The following LARP1B variants were observed in gnomAD, a reference collection of about 807,000 sequenced individuals.
LARP1B encodes La ribonucleoprotein 1B, also known as la-related protein 1B.
Under a neutral mutation model 114.2 loss-of-function variants are expected in LARP1B, and 76 were observed. The ratio of observed to expected loss-of-function variants is 0.67; its 90% confidence interval spans 0.55 to 0.81. The LOEUF is 0.81. Among genes scored for constraint, LARP1B ranks in the 30% least tolerant of loss-of-function variants. The pLI is 0.00. For missense variants in LARP1B, 1,014 were observed against 1,075.8 expected (o/e 0.94, Z 0.80); for synonymous variants, 345 against 348.0 (o/e 0.99, Z 0.10).
chr4:128,061,594 G>C, intron 1 of LARP1B, 193 bp downstream of exon 1: 1 of 817,886 alleles, frequency 1.2e-6, no homozygotes, highest in Non-Finnish European at 1.5e-6. Context: ...CGGGTTGTCT[G>C]TCCCCAGTTG....
intron 9 of LARP1B, among the ~76,000 whole-genome samples, chr4:128,109,845 A>G (rs1783412444): frequency 6.6e-6 from 1 of 152,166 alleles, no homozygotes; most frequent in South Asian, 2.1e-4. Flanking sequence ...GGTACAAAAA[A>G]AAAATCATAC....
rs1436938405 is a variant in LARP1B, at chr4:128,210,716, A to G, written c.*663A>G. The G allele has an allele frequency of 1.0e-6, 1 of 985,158 alleles. No individual in the cohort carries two copies. The highest frequency in any genetic ancestry group is 1.2e-6 in the Non-Finnish European group (1 of 829,802). 61.0% of individuals were successfully genotyped at this position (985,158 alleles called of 1,614,324 possible). On this transcript the variant is annotated 3_prime_UTR_variant, in exon 20 of 20. Transcript: ENST00000326639. ...TGCTAGGTTTTGCTTTTCTCCCCCC[A>G]GTCATATCTCATGATTTCCACAGTT...
chr4:128,112,466 ATTTTTTTTT>A (rs1174266918), intron 9 of LARP1B, among the ~76,000 whole-genome samples: 6 of 69,322 alleles, frequency 8.7e-5, no homozygotes, highest in South Asian at 6.3e-4. Context: ...TGCTTACTCT[ATTTTTTTTT>A]TTTTTTTTTT....
At chr4:128,084,216 C>A (rs1327398527) in intron 5 of LARP1B, among the ~76,000 whole-genome samples, 1 of 152,084 alleles carries the variant, frequency 6.6e-6, no homozygotes, top group East Asian at 1.9e-4. Flanking sequence ...ACTTCCCAGA[C>A]GGGGTGGCGG....
chr4:128,155,547 G>A, intron 11 of LARP1B: 1 of 800,468 alleles, frequency 1.2e-6, no homozygotes, highest in Non-Finnish European at 2.3e-6. Flanking sequence ...TGCAGTGGAT[G>A]GTACAGCTTC....
At chr4:128,061,848 G>T (rs908087626) in intron 1 of LARP1B, 23 of 984,782 alleles carry the variant, frequency 2.3e-5, no homozygotes, top group Non-Finnish European at 2.8e-5. Context: ...AGGGAGGAGA[G>T]GGCCGCGGCC....
chr4:128,063,287 C>T (rs1485905445), intron 1 of LARP1B, among the ~76,000 whole-genome samples: 1 of 151,348 alleles, frequency 6.6e-6, no homozygotes, highest in Non-Finnish European at 1.5e-5. Flanking sequence ...ATTAGCCAGG[C>T]GTGGTGGCGG....
At chr4:128,110,416 A>T (rs67868208) in intron 9 of LARP1B, among the ~76,000 whole-genome samples, 85,874 of 145,638 alleles carry the variant, frequency 0.59, 25,623 homozygotes, top group Middle Eastern at 0.8. Context: ...TTTCATTATT[A>T]AAAAAAAAAA....
intron 6 of LARP1B, among the ~76,000 whole-genome samples, chr4:128,217,900 G>C (rs1220061188): frequency 6.2e-5 from 9 of 144,368 alleles, no homozygotes; most frequent in African/African-American, 2.3e-4. Context: ...AAACCCCATC[G>C]TCTCAGCCCA....
At chr4:128,090,935 A>G in intron 5 of LARP1B, 66 bp from the exon 6 acceptor site, 1 of 1,276,972 alleles carries the variant, frequency 7.8e-7, no homozygotes, top group Non-Finnish European at 1.1e-6. Flanking sequence ...TTATGTTTTC[A>G]TAAAGACAAT....
At chr4:128,142,683 T>A (rs1399691338) in intron 11 of LARP1B, among the ~76,000 whole-genome samples, 1 of 151,910 alleles carries the variant, frequency 6.6e-6, no homozygotes, top group Non-Finnish European at 1.5e-5. Context: ...TAATTTTGTA[T>A]TTTTAGTAGA....
At chr4:128,162,437 G>C in intron 12 of LARP1B, 120 bp downstream of exon 12, 1 of 871,168 alleles carries the variant, frequency 1.1e-6, no homozygotes, top group East Asian at 2.6e-5. Context: ...ATGGTAAAAT[G>C]CTAGAATTTT....
intron 12 of LARP1B, among the ~76,000 whole-genome samples, chr4:128,168,350 T>A (rs959720708): frequency 6.6e-6 from 1 of 152,070 alleles, no homozygotes; most frequent in South Asian, 2.1e-4. Context: ...AGTATCTTTT[T>A]ATGTGCTTAT....
intron 11 of LARP1B, among the ~76,000 whole-genome samples, chr4:128,157,055 AC>A (rs1358539401): frequency 6.6e-6 from 1 of 152,184 alleles, no homozygotes; most frequent in East Asian, 1.9e-4. Context: ...TAGAAAAAAA[AC>A]AAAAGAAACA....
chr4:128,129,847 C>G (rs1790999158), intron 11 of LARP1B, among the ~76,000 whole-genome samples: 1 of 152,052 alleles, frequency 6.6e-6, no homozygotes, highest in Non-Finnish European at 1.5e-5. Context: ...GAATCTTCAC[C>G]CTTCAGAAAA....
At chr4:128,197,194 A>G (rs1454377808) in intron 15 of LARP1B, among the ~76,000 whole-genome samples, 1 of 152,196 alleles carries the variant, frequency 6.6e-6, no homozygotes, top group Non-Finnish European at 1.5e-5. Context: ...TTAAAATGAT[A>G]TATATTATGT....
At chr4:128,156,116 C>T in intron 11 of LARP1B, 3 of 1,610,070 alleles carry the variant, frequency 1.9e-6, no homozygotes, top group Non-Finnish European at 2.5e-6. Flanking sequence ...ACTCCTGAGC[C>T]CTGTGCCTCA....
At chr4:128,078,041 C>G (rs1009399971) in intron 4 of LARP1B, 79 bp downstream of exon 4, 1 of 921,730 alleles carries the variant, frequency 1.1e-6, no homozygotes, top group East Asian at 2.7e-5. Flanking sequence ...ATTAACTGAT[C>G]TCTGGTAGTC....
intron 15 of LARP1B, among the ~76,000 whole-genome samples, chr4:128,183,253 A>G (rs1749181030): frequency 6.6e-6 from 1 of 152,206 alleles, no homozygotes; most frequent in Non-Finnish European, 1.5e-5. Flanking sequence ...TAGGACTTTC[A>G]TAGTTAGGAA....
Sources: allele counts gnomAD v4.1 joint callset (sites outside exome capture counted in the v4.1 genomes callset), GRCh38; gene constraint gnomAD v4.1.1; transcripts MANE v1.5; gene names NCBI Gene and HGNC (gene_info 2026-07-23, HGNC 2026-07-21).